SGIP1: variants seen among roughly 807,000 people sequenced by gnomAD.
SGIP1 encodes the protein SH3-containing GRB2-like protein 3-interacting protein 1.
In SGIP1, 38 loss-of-function variants were observed where a neutral mutation model predicts 107.5. The ratio of observed to expected loss-of-function variants is 0.35; its 90% confidence interval spans 0.27 to 0.46. SGIP1 has a LOEUF of 0.46. Ranked by LOEUF, SGIP1 falls within the 20% of genes least tolerant of loss-of-function variation. SGIP1 has a pLI of 1.00. For synonymous variants in SGIP1, 365 were observed against 366.1 expected, an observed-to-expected ratio of 1.00 and a Z score of 0.03; for missense variants, 929 against 1,019.5, an observed-to-expected ratio of 0.91 and a Z score of 1.21.
chr1:66,712,205 C>G (rs750023200), intron 18 of SGIP1, among the ~76,000 whole-genome samples: 1 of 152,146 alleles, frequency 6.6e-6, no homozygotes, highest in South Asian at 2.1e-4. Flanking sequence ...ATAATAGATA[C>G]TACCATTTAT....
At chr1:66,552,606 T>C (rs886123792) in intron 1 of SGIP1, among the ~76,000 whole-genome samples, 1 of 152,132 alleles carries the variant, frequency 6.6e-6, no homozygotes, top group African/African-American at 2.4e-5. Flanking sequence ...CAATTTCACT[T>C]ACTACTCCAC....
chr1:66,625,877 G>T lies in SGIP1; in HGVS notation c.41G>T (p.Gly14Val), dbSNP rs201749111. The T allele has an allele frequency of 7.4e-6, 12 of 1,612,454 alleles. No individual in the cohort carries two copies. Residue 14 changes from glycine (G) to valine (V), a missense_variant, in exon 2 of 25, where the codon GGA (glycine) becomes GTA (valine). Gly to Val is a moderately radical substitution (Grantham distance 109). Transcript: ENST00000371037. Reference protein sequence around the residue: ...GLKKRTRKAFGIRKKEKDTDS... With the variant: ...GLKKRTRKAFVIRKKEKDTDS... ...AAAAAACGTACAAGGAAGGCCTTTGGAATACGGAAGAAAGAAAAGGACACT... is the reference window on the plus strand; with the variant it reads ...AAAAAACGTACAAGGAAGGCCTTTGTAATACGGAAGAAAGAAAAGGACACT...
chr1:66,724,633 C>T (rs1213396361), intron 19 of SGIP1, among the ~76,000 whole-genome samples: 1 of 152,150 alleles, frequency 6.6e-6, no homozygotes, highest in Non-Finnish European at 1.5e-5. Context: ...CTATTTTGCT[C>T]ATTTTTAAAT....
At chr1:66,642,700 C>A (rs2076999656) in intron 5 of SGIP1, 110 bp from the exon 6 acceptor site, 1 of 855,944 alleles carries the variant, frequency 1.2e-6, no homozygotes, top group African/African-American at 1.7e-5. Flanking sequence ...AACTTCATCT[C>A]CTAAAAGAAA....
intron 1 of SGIP1, among the ~76,000 whole-genome samples, chr1:66,585,277 T>C (rs570636517): frequency 5.6e-4 from 85 of 152,332 alleles, no homozygotes; most frequent in African/African-American, 1.9e-3. Context: ...CAGTCCTCTA[T>C]AATCTTACAT....
intron 19 of SGIP1, among the ~76,000 whole-genome samples, chr1:66,721,561 A>C (rs760918866): frequency 1.3e-5 from 2 of 152,090 alleles, no homozygotes; most frequent in Non-Finnish European, 1.5e-5. Flanking sequence ...GGCACATGCC[A>C]CCACACCCGG....
chr1:66,689,479 G>A (rs2089323696), intron 16 of SGIP1, among the ~76,000 whole-genome samples: 1 of 152,210 alleles, frequency 6.6e-6, no homozygotes, highest in African/African-American at 2.4e-5. Context: ...TAAAATGACA[G>A]GAATGGTACG....
Position 66,741,313 on chromosome 1 carries a change from C to G in SGIP1, c.2341C>G (p.Pro781Ala), listed in dbSNP as rs765385376. Residue 781 changes from proline (P) to alanine (A), a missense_variant, in exon 24 of 25, where the codon CCA (proline) becomes GCA (alanine). This residue lies in a region of SGIP1 where 341 missense variants were observed against 430.9 expected (regional missense o/e 0.79). Coordinates refer to ENST00000371037, the MANE Select transcript of SGIP1 (RefSeq NM_032291.4). Reference sequence around the variant, plus strand: ...GGCAAGATTTCAGTTATCTGAAGGCCCAAGCAAACCTTCTCCATTGGTTGT... The same window carrying G: ...GGCAAGATTTCAGTTATCTGAAGGCGCAAGCAAACCTTCTCCATTGGTTGT... ...LLARFQLSEG[P>A]SKPSPLVVQF... 6.2e-7 allele frequency: 1 copy of G among 1,602,058 alleles called. No homozygotes were observed. The highest frequency in any genetic ancestry group is 8.5e-7 in the Non-Finnish European group (1 of 1,174,454).
At chr1:66,578,244 A>G (rs1453404369) in intron 1 of SGIP1, among the ~76,000 whole-genome samples, 2 of 151,618 alleles carry the variant, frequency 1.3e-5, no homozygotes, top group Admixed American at 1.3e-4. Context: ...CTGAGTCAGG[A>G]TATCTGCAGG....
chr1:66,624,182 C>T (rs148921644), intron 1 of SGIP1, among the ~76,000 whole-genome samples: 2 of 151,940 alleles, frequency 1.3e-5, no homozygotes, highest in African/African-American at 4.8e-5. Context: ...ATTGTGAGCT[C>T]GAAGCTAAAA....
intron 1 of SGIP1, among the ~76,000 whole-genome samples, chr1:66,569,747 G>C (rs992249822): frequency 6.6e-6 from 1 of 151,664 alleles, no homozygotes; most frequent in Non-Finnish European, 1.5e-5. Context: ...TCATAAATGA[G>C]TTAGTAAATA....
At chr1:66,700,137 G>A (rs977011738) in intron 18 of SGIP1, among the ~76,000 whole-genome samples, 25 of 152,088 alleles carry the variant, frequency 1.6e-4, no homozygotes, top group African/African-American at 3.1e-4. Flanking sequence ...TTGGGAGGCC[G>A]AGGCGAGTGG....
chr1:66,585,570 T>TTGTGTGTGTGTG (rs113981156), intron 1 of SGIP1, among the ~76,000 whole-genome samples: 8,603 of 150,004 alleles, frequency 0.057, 655 homozygotes, highest in African/African-American at 0.17. Context: ...GCTTTGGAGT[T>TTGTGTGTGTGTG]TGTGTGTGTG....
At chr1:66,631,681 T>TTCTCTCTCTCTCTCTCTCTCTCTC (rs71058468) in intron 2 of SGIP1, among the ~76,000 whole-genome samples, 12 of 132,164 alleles carry the variant, frequency 9.1e-5, no homozygotes, top group African/African-American at 2.0e-4. Flanking sequence ...CTCTCTCTCT[T>TTCTCTCTCTCTCTCTCTCTCTCTC]TCTCTCTCTC....
At chr1:66,676,129 T>A (rs980538050) in intron 12 of SGIP1, among the ~76,000 whole-genome samples, 3 of 152,234 alleles carry the variant, frequency 2.0e-5, no homozygotes, top group African/African-American at 7.2e-5. Flanking sequence ...CATAACTCTC[T>A]AAGGTTGCTT....
At position 66,685,555 on chromosome 1, in the gene SGIP1, A is replaced by G. The variant is rs80277278; in HGVS notation, c.1315+3186A>G. Among the ~76,000 whole-genome samples the G allele has an allele frequency of 9.4e-3, 1,426 of 152,310 alleles. 27 individuals are homozygous for G. Among genetic ancestry groups the G allele is most frequent in the African/African-American group, 0.033 (1,357 of 41,560 alleles). Reference sequence around the variant, plus strand: ...AAGTAAAGAAAGAATGTTCAGTGCAACATTTTCCAACTTGGGAAACTAAAG... The same window carrying G: ...AAGTAAAGAAAGAATGTTCAGTGCAGCATTTTCCAACTTGGGAAACTAAAG... On this transcript the variant is annotated intron_variant, in intron 15 of 24. Transcript: ENST00000371037.
At chr1:66,689,968 C>T (rs2089452010) in intron 16 of SGIP1, among the ~76,000 whole-genome samples, 1 of 152,210 alleles carries the variant, frequency 6.6e-6, no homozygotes, top group African/African-American at 2.4e-5. Flanking sequence ...TCACAGATCC[C>T]AGCTTCGCTA....
At chr1:66,681,816 C>A in intron 14 of SGIP1, 53 bp from the exon 15 acceptor site, 1 of 1,550,040 alleles carries the variant, frequency 6.5e-7, no homozygotes, top group Non-Finnish European at 8.7e-7. Flanking sequence ...TCCCTCACTC[C>A]CCACACAAAT....
chr1:66,544,500 A>G (rs2055855767), intron 1 of SGIP1, among the ~76,000 whole-genome samples: 1 of 152,156 alleles, frequency 6.6e-6, no homozygotes, highest in African/African-American at 2.4e-5. Flanking sequence ...CAGGCTGGCC[A>G]ACATGGCGAG....
Sources: allele counts gnomAD v4.1 joint callset (sites outside exome capture counted in the v4.1 genomes callset), GRCh38; gene constraint gnomAD v4.1.1; regional missense constraint gnomAD v4.1.1; transcripts MANE v1.5; gene names NCBI Gene and HGNC (gene_info 2026-07-23, HGNC 2026-07-21).